Variants in GRID1 observed in about 807,000 individuals in gnomAD.
The protein encoded by GRID1 is glutamate receptor ionotropic, delta-1.
GRID1 carries 28 observed loss-of-function variants against 98.0 expected under a neutral mutation model. That is an observed-to-expected ratio of 0.29 (90% CI 0.21 to 0.39). The LOEUF is 0.39. GRID1 is among the 10% of genes least tolerant of loss of function. The probability of loss-of-function intolerance (pLI) is 1.00; values close to 1 mark genes in which losing one functional copy is unlikely to be tolerated. For synonymous variants in GRID1, 553 were observed against 538.5 expected, an observed-to-expected ratio of 1.03 and a Z score of -0.37; for missense variants, 1,111 against 1,340.5, an observed-to-expected ratio of 0.83 and a Z score of 2.67.
chr10:85,606,822 A>G (rs569389071), intron 15 of GRID1: 13 of 152,228 alleles, frequency 8.5e-5, no homozygotes, highest in African/African-American at 1.2e-4. Flanking sequence ...AAAATACTGC[A>G]TTCTATTATG....
At chr10:85,636,494 C>T (rs1251179158) in intron 13 of GRID1, among the ~76,000 whole-genome samples, 2 of 152,092 alleles carry the variant, frequency 1.3e-5, no homozygotes, top group African/African-American at 4.8e-5. Context: ...ATTCAATTTC[C>T]CCAATTAGCC....
chr10:85,786,248 T>C (rs1219914669), intron 8 of GRID1, among the ~76,000 whole-genome samples: 1 of 152,190 alleles, frequency 6.6e-6, no homozygotes, highest in African/African-American at 2.4e-5. Flanking sequence ...GATTTCTACA[T>C]CATTCACCAA....
chr10:86,043,231 G>A lies in GRID1; in HGVS notation c.726+95588C>T, dbSNP rs948771740. Among the ~76,000 whole-genome samples, 4 of 152,284 alleles carry A rather than the reference G, an allele frequency of 2.6e-5. No homozygotes were observed. In the East Asian group the frequency reaches 7.7e-4, roughly 29 times the overall value. ...CCCTCATCACAGGCAACCAGCCAGG[G>A]ACTTTCTCCCGGAACTCTCCTCTCT... On this transcript the variant is annotated intron_variant, in intron 4 of 15. Transcript: ENST00000327946.
intron 6 of GRID1, among the ~76,000 whole-genome samples, chr10:85,859,503 A>G (rs911185656): frequency 1.3e-5 from 2 of 152,184 alleles, no homozygotes; most frequent in Non-Finnish European, 2.9e-5. Flanking sequence ...TACAAAAAAG[A>G]GAAATTATAG....
chr10:85,727,943 T>C lies in GRID1; in HGVS notation c.1445A>G (p.Tyr482Cys). The change falls in exon 10 of 16, where the codon TAT becomes TGT. Residue 482 changes from tyrosine to cysteine, a missense_variant. By Grantham distance (194) the Tyr-to-Cys change is radical. Around this residue, in one of 3 missense-constraint regions of GRID1, gnomAD observed 762 missense variants for 869.1 expected, o/e 0.88. Transcript: ENST00000327946. The part of the protein sequence containing the change: ...DALAKALGFK[Y>C]EIYQAPDGRY... ...GCCATCAGGGGCTTGGTAAATCTCA[T>C]ATTTAAAGCCCAGAGCCTTGGCCAG... 1.2e-6 allele frequency: 2 copies of C among 1,613,934 alleles called. No individual in the cohort carries two copies. Among genetic ancestry groups the C allele is most frequent in the Non-Finnish European group, 1.7e-6 (2 of 1,179,854 alleles).
chr10:85,952,025 C>T (rs1564633993), intron 4 of GRID1, among the ~76,000 whole-genome samples: 1 of 152,230 alleles, frequency 6.6e-6, no homozygotes, highest in Non-Finnish European at 1.5e-5. Flanking sequence ...ATGTCAGGCC[C>T]TGCTTCTAAG....
chr10:86,280,778 C>T (rs947286421), intron 2 of GRID1, among the ~76,000 whole-genome samples: 4 of 152,166 alleles, frequency 2.6e-5, no homozygotes, highest in African/African-American at 9.7e-5. Context: ...CTCCCCATAC[C>T]TCCTCTATAG....
At chr10:86,297,536 T>G (rs765090070) in intron 2 of GRID1, among the ~76,000 whole-genome samples, 1 of 152,158 alleles carries the variant, frequency 6.6e-6, no homozygotes, top group Non-Finnish European at 1.5e-5. Flanking sequence ...AAGGAAAAAT[T>G]TATCTATTCC....
rs1441008362 is a variant in GRID1 at position 86,138,910 on chromosome 10, A to C, written c.635T>G (p.Met212Arg). ...SHVFTSLFTT[M>R]KTEELNRYRD... The stretch of plus-strand genomic sequence containing the variant: ...GTAGCGATTCAGCTCCTCTGTCTTC[A>C]TCGTGGTGAAGAGGCTGGTGAATAC... The change falls in exon 4 of 16, where the codon ATG (methionine) becomes AGG (arginine). Residue 212 changes from methionine (M) to arginine (R), a missense_variant. This residue lies in a region of GRID1 where 346 missense variants were observed against 452.3 expected (regional missense o/e 0.76). Transcript: ENST00000327946. 1 of 1,614,168 alleles carries C rather than the reference A, an allele frequency of 6.2e-7. No individual in the cohort carries two copies. The highest frequency in any genetic ancestry group is 1.3e-5 in the African/African-American group (1 of 75,042).
intron 4 of GRID1, among the ~76,000 whole-genome samples, chr10:86,011,644 C>T (rs895363148): frequency 1.3e-5 from 2 of 152,042 alleles, no homozygotes; most frequent in African/African-American, 2.4e-5. Context: ...GAGGAAAGAA[C>T]GTAATTTCAG....
At chr10:86,255,557 G>A (rs939096934) in intron 2 of GRID1, among the ~76,000 whole-genome samples, 1 of 152,202 alleles carries the variant, frequency 6.6e-6, no homozygotes, top group Non-Finnish European at 1.5e-5. Context: ...CTGTGCACCT[G>A]TGGCTCGGGT....
chr10:86,271,656 A>C (rs923317410), intron 2 of GRID1, among the ~76,000 whole-genome samples: 17 of 152,362 alleles, frequency 1.1e-4, no homozygotes, highest in Admixed American at 3.3e-4. Context: ...ATTAATGTCA[A>C]ATTTGATACA....
intron 4 of GRID1, among the ~76,000 whole-genome samples, chr10:86,060,948 C>T (rs1015014979): frequency 6.6e-6 from 1 of 152,172 alleles, no homozygotes; most frequent in African/African-American, 2.4e-5. Flanking sequence ...CTCTACAATG[C>T]GCCCCTTTCC....
At chr10:85,765,215 A>C (rs1466539155) in intron 8 of GRID1, among the ~76,000 whole-genome samples, 1 of 152,216 alleles carries the variant, frequency 6.6e-6, no homozygotes, top group Non-Finnish European at 1.5e-5. Flanking sequence ...CAACTAGGAC[A>C]TGGTATTTGC....
At chr10:85,805,071 T>C (rs186702858) in intron 8 of GRID1, among the ~76,000 whole-genome samples, 81 of 151,114 alleles carry the variant, frequency 5.4e-4, no homozygotes, top group African/African-American at 1.8e-3. Context: ...GCAAAGAAGA[T>C]AAGAAAAATA....
chr10:85,921,703 G>A (rs962593633), intron 4 of GRID1, among the ~76,000 whole-genome samples: 1 of 152,194 alleles, frequency 6.6e-6, no homozygotes, highest in Non-Finnish European at 1.5e-5. Context: ...ATATGGTGGT[G>A]AGGATTGGTT....
intron 6 of GRID1, among the ~76,000 whole-genome samples, chr10:85,860,287 G>A (rs532048431): frequency 1.3e-5 from 2 of 152,342 alleles, no homozygotes; most frequent in South Asian, 2.1e-4. Flanking sequence ...GGCTCTGGGT[G>A]ACCTAGGAAC....
intron 4 of GRID1, among the ~76,000 whole-genome samples, chr10:85,962,494 T>C (rs1842282374): frequency 6.6e-6 from 1 of 152,098 alleles, no homozygotes; most frequent in Admixed American, 6.5e-5. Flanking sequence ...AGAAGTTACA[T>C]TGCCTGGAGC....
At chr10:86,083,062 A>G (rs1843999819) in intron 4 of GRID1, among the ~76,000 whole-genome samples, 1 of 152,216 alleles carries the variant, frequency 6.6e-6, no homozygotes, top group Non-Finnish European at 1.5e-5. Context: ...AGCCAGACAC[A>G]TAGTGGGGGC....
Sources: gnomAD v4.1 joint callset for allele counts (sites outside exome capture counted in the v4.1 genomes callset) on GRCh38, gnomAD v4.1.1 for gene constraint, gnomAD v4.1.1 regional missense constraint, MANE v1.5 for transcripts, NCBI Gene and HGNC (gene_info 2026-07-23, HGNC 2026-07-21) for gene names.